The following PRKCB variants were observed in gnomAD, a reference collection of about 807,000 sequenced individuals.
The protein encoded by PRKCB is protein kinase C beta.
PRKCB carries 13 observed loss-of-function variants against 81.5 expected under a neutral mutation model. The observed-to-expected ratio is 0.16, with a 90% CI of 0.10 to 0.25. PRKCB has a LOEUF of 0.25. Ranked by LOEUF, PRKCB falls within the 10% of genes least tolerant of loss-of-function variation. The pLI is 1.00. For synonymous variants in PRKCB, 335 were observed against 321.4 expected (o/e 1.04, Z -0.45); for missense variants, 509 against 875.7 (o/e 0.58, Z 5.29).
chr16:23,929,234 C>G (rs192917228), intron 2 of PRKCB, among the ~76,000 whole-genome samples: 3 of 152,164 alleles, frequency 2.0e-5, no homozygotes, highest in African/African-American at 7.2e-5. Flanking sequence ...GCAGAAAATA[C>G]GAGGAGGACT....
intron 3 of PRKCB, among the ~76,000 whole-genome samples, chr16:24,014,711 C>T (rs1400906137): frequency 4.6e-5 from 7 of 152,154 alleles, no homozygotes; most frequent in Non-Finnish European, 5.9e-5. Context: ...ATATGATGTG[C>T]CAGGCACTGT....
intron 5 of PRKCB, among the ~76,000 whole-genome samples, chr16:24,089,813 C>T (rs1246683668): frequency 1.3e-5 from 2 of 150,408 alleles, no homozygotes; most frequent in African/African-American, 2.5e-5. Flanking sequence ...ACAACAAAAA[C>T]GTAGTGAAAG....
Position 24,185,157 on chromosome 16 carries a change from T to A in PRKCB, c.1580T>A (p.Phe527Tyr). Residue 527 changes from phenylalanine (F) to tyrosine (Y), a missense_variant, in exon 14 of 17, where the codon TTT (phenylalanine) becomes TAT (tyrosine). Around this residue, in one of 6 missense-constraint regions of PRKCB, gnomAD observed 106 missense variants for 214.0 expected, o/e 0.50. Transcript: ENST00000643927. ...PYGKSVDWWA[F>Y]GVLLYEMLAG... ...GGGAAGTCCGTGGATTGGTGGGCATTTGGAGTCCTGCTGTATGAAATGTTG... is the reference window on the plus strand; with the variant it reads ...GGGAAGTCCGTGGATTGGTGGGCATATGGAGTCCTGCTGTATGAAATGTTG... 1 of 1,614,130 alleles carries A rather than the reference T, an allele frequency of 6.2e-7. No homozygotes were observed. The highest frequency in any genetic ancestry group is 8.5e-7 in the Non-Finnish European group (1 of 1,179,990).
chr16:24,006,248 A>G (rs989971773), intron 3 of PRKCB, among the ~76,000 whole-genome samples: 24 of 152,182 alleles, frequency 1.6e-4, no homozygotes. Context: ...GTCTGGAGAT[A>G]CTCGAGGATT....
chr16:24,193,576 A>C (rs605921), intron 16 of PRKCB, among the ~76,000 whole-genome samples: 1 of 151,814 alleles, frequency 6.6e-6, no homozygotes, highest in Non-Finnish European at 1.5e-5. Flanking sequence ...CAGCCTCCCA[A>C]AGTACTAGGA....
chr16:24,209,936 C>A (rs1234563293), intron 16 of PRKCB, among the ~76,000 whole-genome samples: 1 of 151,306 alleles, frequency 6.6e-6, no homozygotes, highest in South Asian at 2.1e-4. Context: ...AGACCCCACA[C>A]ACACACCCTG....
chr16:24,107,259 C>T (rs1319394988), intron 7 of PRKCB, among the ~76,000 whole-genome samples: 1 of 152,202 alleles, frequency 6.6e-6, no homozygotes, highest in African/African-American at 2.4e-5. Flanking sequence ...TCTCTTTTGG[C>T]AGCAGTTGTA....
intron 2 of PRKCB, among the ~76,000 whole-genome samples, chr16:23,871,659 C>T (rs1962906613): frequency 6.6e-6 from 1 of 152,064 alleles, no homozygotes; most frequent in African/African-American, 2.4e-5. Context: ...CTCACTGCAA[C>T]CTGTGCCTCC....
At chr16:24,047,329 G>A (rs575532298) in intron 5 of PRKCB, among the ~76,000 whole-genome samples, 3 of 152,080 alleles carry the variant, frequency 2.0e-5, no homozygotes, top group Admixed American at 2.0e-4. Context: ...GTGACAGAGT[G>A]AGACTCCATC....
chr16:23,901,200 A>G (rs1027367297), intron 2 of PRKCB, among the ~76,000 whole-genome samples: 1 of 152,106 alleles, frequency 6.6e-6, no homozygotes, highest in African/African-American at 2.4e-5. Flanking sequence ...TTTGGGATAT[A>G]ATCTTTGCAA....
At chr16:23,890,716 T>C (rs529559500) in intron 2 of PRKCB, among the ~76,000 whole-genome samples, 2 of 152,294 alleles carry the variant, frequency 1.3e-5, no homozygotes, top group Non-Finnish European at 2.9e-5. Context: ...TATGGGACAC[T>C]TCCTCCCCAT....
Position 24,062,820 on chromosome 16 carries a change from T to G in PRKCB, c.529+27273T>G, listed in dbSNP as rs562563312. On this transcript the variant is annotated intron_variant, in intron 5 of 16. Transcript: ENST00000643927. The stretch of plus-strand genomic sequence containing the variant: ...ATTAGAATGCATACTTATTTTTTTT[T>G]GCAGGTTGTCCTTTGCTTGCATCCC... Among the ~76,000 whole-genome samples, 8 of 152,178 alleles carry G rather than the reference T, an allele frequency of 5.3e-5. No homozygotes were observed. In the East Asian group the frequency reaches 7.7e-4, roughly 15 times the overall value.
intron 3 of PRKCB, among the ~76,000 whole-genome samples, chr16:23,998,719 T>C (rs1372818568): frequency 6.6e-6 from 1 of 152,196 alleles, no homozygotes; most frequent in Non-Finnish European, 1.5e-5. Context: ...TATGTGATGA[T>C]GATGATGACA....
chr16:24,111,273 TAAG>T (rs1966672827), intron 7 of PRKCB: 1 of 152,236 alleles, frequency 6.6e-6, no homozygotes, highest in Non-Finnish European at 1.5e-5. Flanking sequence ...GGAAGCTGCG[TAAG>T]AAGATTCGTG....
At chr16:24,042,096 G>C (rs1472856908) in intron 5 of PRKCB, among the ~76,000 whole-genome samples, 1 of 152,066 alleles carries the variant, frequency 6.6e-6, no homozygotes, top group Non-Finnish European at 1.5e-5. Context: ...CTTTGGTGGG[G>C]GGGTACGTGT....
chr16:24,122,815 G>C (rs866491860), intron 8 of PRKCB, among the ~76,000 whole-genome samples: 2 of 152,054 alleles, frequency 1.3e-5, no homozygotes, highest in South Asian at 2.1e-4. Flanking sequence ...ATCCAGTAAC[G>C]AAGTCCTGGC....
chr16:23,905,702 C>T (rs1963548648), intron 2 of PRKCB, among the ~76,000 whole-genome samples: 1 of 152,162 alleles, frequency 6.6e-6, no homozygotes, highest in South Asian at 2.1e-4. Flanking sequence ...CAGACTTACT[C>T]CTGGTAGAAT....
intron 2 of PRKCB, among the ~76,000 whole-genome samples, chr16:23,983,099 A>G (rs1223153418): frequency 6.7e-6 from 1 of 150,304 alleles, no homozygotes; most frequent in African/African-American, 2.5e-5. Flanking sequence ...AGCTCAGTAA[A>G]TGTTGCCTCT....
At chr16:23,967,910 C>T (rs1964508954) in intron 2 of PRKCB, among the ~76,000 whole-genome samples, 1 of 152,222 alleles carries the variant, frequency 6.6e-6, no homozygotes, top group South Asian at 2.1e-4. Flanking sequence ...CTGCCGTGGC[C>T]TTCCAAAGTG....
Sources: gnomAD v4.1 joint callset for allele counts (sites outside exome capture counted in the v4.1 genomes callset) on GRCh38, gnomAD v4.1.1 for gene constraint, gnomAD v4.1.1 regional missense constraint, MANE v1.5 for transcripts, NCBI Gene and HGNC (gene_info 2026-07-23, HGNC 2026-07-21) for gene names.